KCNJ12: variants seen among roughly 807,000 people sequenced by gnomAD.
KCNJ12 encodes the protein ATP-sensitive inward rectifier potassium channel 12.
In KCNJ12, 2 loss-of-function variants were observed where a neutral mutation model predicts 22.3. That is an observed-to-expected ratio of 0.09 (90% CI 0.04 to 0.28). The LOEUF (loss-of-function observed/expected upper bound fraction) is 0.28, where lower values mean the gene tolerates loss of function less well. Among genes scored for constraint, KCNJ12 ranks in the 10% least tolerant of loss-of-function variants. The pLI is 1.00. For synonymous variants in KCNJ12, 117 were observed against 261.4 expected, an observed-to-expected ratio of 0.45 and a Z score of 5.33; for missense variants, 155 against 633.3, an observed-to-expected ratio of 0.24 and a Z score of 8.11.
chr17:21,412,111 G>T (rs1303388352), intron 2 of KCNJ12, among the ~76,000 whole-genome samples: 2 of 152,290 alleles, frequency 1.3e-5, no homozygotes, highest in Non-Finnish European at 2.9e-5. Flanking sequence ...TCTCTCTTCT[G>T]CTCAGTTTCC....
At chr17:21,413,645 T>C (rs1906507339) in intron 2 of KCNJ12, among the ~76,000 whole-genome samples, 1 of 152,280 alleles carries the variant, frequency 6.6e-6, no homozygotes, top group Non-Finnish European at 1.5e-5. Context: ...GGCGGTGCCA[T>C]AGCCCCTAGC....
intron 1 of KCNJ12, among the ~76,000 whole-genome samples, chr17:21,400,588 G>A (rs1232210434): frequency 6.6e-6 from 1 of 152,300 alleles, no homozygotes; most frequent in Non-Finnish European, 1.5e-5. Flanking sequence ...GAATGAACAA[G>A]TGGCTGGATG....
At chr17:21,415,226 A>C in intron 2 of KCNJ12, 61 bp from the exon 3 acceptor site, 4 of 1,488,564 alleles carry the variant, frequency 2.7e-6, no homozygotes, top group Non-Finnish European at 3.6e-6. Flanking sequence ...GGGCCCTGGG[A>C]TGGGGGTAGA....
intron 1 of KCNJ12, among the ~76,000 whole-genome samples, chr17:21,380,071 C>G (rs1904814333): frequency 6.6e-6 from 1 of 152,182 alleles, no homozygotes; most frequent in Non-Finnish European, 1.5e-5. Flanking sequence ...CACAGACACA[C>G]CCCTCAGGGG....
At chr17:21,406,282 G>A (rs1905929764) in intron 1 of KCNJ12, among the ~76,000 whole-genome samples, 1 of 152,286 alleles carries the variant, frequency 6.6e-6, no homozygotes, top group South Asian at 2.1e-4. Context: ...AAGCATGCAG[G>A]GCTTGCACAG....
rs1343224926 is a variant in KCNJ12 at position 21,410,956 on chromosome 17, G to A, written c.-57+2316G>A. ...TTGATAGATACTGAGTGCTGTGTTC[G>A]TGCCTCGTGAGGCGCCCCAGCTAGC... is the stretch of plus-strand genomic sequence containing the variant. On this transcript the variant is annotated intron_variant, in intron 2 of 2. Coordinates refer to ENST00000583088, the MANE Select transcript of KCNJ12 (RefSeq NM_021012.5). Among the ~76,000 whole-genome samples the A allele has an allele frequency of 1.6e-4, 24 of 152,396 alleles. No homozygotes were observed. The South Asian group carries it at 2.3e-3, about 15-fold the overall frequency.
rs532343937 is a variant in KCNJ12, at chr17:21,419,284, C to G, written c.*2640C>G. 2 of 162,798 alleles carry G rather than the reference C, an allele frequency of 1.2e-5. No homozygotes were observed. Among genetic ancestry groups the G allele is most frequent in the Admixed American group, 6.7e-5 (1 of 14,892 alleles). The allele number at this position is 162,798 out of a possible 1,614,324, so 10.1% of individuals were successfully genotyped here. Reference sequence around the variant, plus strand: ...TATGACTGGGTTAGTAATACAGATACGTGATCTATACGTGTGTGTGTGTGT... The same window carrying G: ...TATGACTGGGTTAGTAATACAGATAGGTGATCTATACGTGTGTGTGTGTGT... On this transcript the variant is annotated 3_prime_UTR_variant, in exon 3 of 3. Transcript: ENST00000583088.
chr17:21,396,635 T>C (rs1905375889), intron 1 of KCNJ12, among the ~76,000 whole-genome samples: 1 of 152,074 alleles, frequency 6.6e-6, no homozygotes, highest in East Asian at 1.9e-4. Context: ...GGGAGGGCCG[T>C]CTTGGTTGGG....
intron 1 of KCNJ12, among the ~76,000 whole-genome samples, chr17:21,377,472 A>C (rs1161351165): frequency 5.3e-5 from 8 of 152,126 alleles, no homozygotes; most frequent in Non-Finnish European, 1.2e-4. Context: ...ATTCCATGCC[A>C]GCAAGTCAGC....
At position 21,376,992 on chromosome 17, in the gene KCNJ12, C is replaced by G. The variant is rs2144752060; in HGVS notation, c.-179+79C>G. 1 of 152,284 alleles carries G rather than the reference C, an allele frequency of 6.6e-6. No homozygotes were observed. Among genetic ancestry groups the G allele is most frequent in the East Asian group, 1.9e-4 (1 of 5,160 alleles). The allele number at this position is 152,284 out of a possible 1,614,324, so 9.4% of individuals were successfully genotyped here. ...CGCAGGCCGCGCCTCGCCACTAGCC[C>G]GGCCCGGAGCTAGCACGAGGTTGTG... On this transcript the variant is annotated intron_variant, in intron 1 of 2. Coordinates refer to ENST00000583088, the MANE Select transcript of KCNJ12 (RefSeq NM_021012.5). This position sits in a 1 kb window ranked among gnomAD's most constrained non-coding sequence, Gnocchi z 5.3.
chr17:21,388,526 C>A (rs956003307), intron 1 of KCNJ12, among the ~76,000 whole-genome samples: 1 of 152,192 alleles, frequency 6.6e-6, no homozygotes, highest in Non-Finnish European at 1.5e-5. Context: ...TCCCAACTGC[C>A]GCCAGGAAAT....
At chr17:21,391,234 G>A (rs915328669) in intron 1 of KCNJ12, among the ~76,000 whole-genome samples, 3 of 152,338 alleles carry the variant, frequency 2.0e-5, no homozygotes, top group Middle Eastern at 3.4e-3. Context: ...ACCTGTGAAC[G>A]GTGCTGCCGT....
chr17:21,385,348 C>T (rs1378209786), intron 1 of KCNJ12, among the ~76,000 whole-genome samples: 1 of 152,186 alleles, frequency 6.6e-6, no homozygotes, highest in East Asian at 1.9e-4. Context: ...GGAGGCAGTC[C>T]ATTCTCGTGT....
intron 1 of KCNJ12, among the ~76,000 whole-genome samples, chr17:21,385,709 A>G (rs575714215): frequency 6.8e-4 from 104 of 152,168 alleles, no homozygotes; most frequent in African/African-American, 2.4e-3. Context: ...CCTCCAGGCC[A>G]CTCATGGGTC....
At chr17:21,402,087 T>C (rs1242211804) in intron 1 of KCNJ12, among the ~76,000 whole-genome samples, 25 of 152,398 alleles carry the variant, frequency 1.6e-4, no homozygotes, top group Non-Finnish European at 3.1e-4. Flanking sequence ...CTGAGCTGTG[T>C]GCTTCTGTCT....
At chr17:21,403,852 T>G (rs1472198703) in intron 1 of KCNJ12, among the ~76,000 whole-genome samples, 1 of 152,312 alleles carries the variant, frequency 6.6e-6, no homozygotes, top group Non-Finnish European at 1.5e-5. Flanking sequence ...AGAGGTTATG[T>G]GGCTTGCCCA....
chr17:21,409,793 C>G (rs1442538463), intron 2 of KCNJ12, among the ~76,000 whole-genome samples: 1 of 152,262 alleles, frequency 6.6e-6, no homozygotes, highest in African/African-American at 2.4e-5. Flanking sequence ...ACCCACCACC[C>G]CATGCCCTGC....
Position 21,384,828 on chromosome 17 carries a change from A to G in KCNJ12, c.-179+7915A>G, listed in dbSNP as rs188678567. On this transcript the variant is annotated intron_variant, in intron 1 of 2. Transcript: ENST00000583088. The stretch of plus-strand genomic sequence containing the variant: ...CACTCTGTCGCCCAGGCTGGAGTGC[A>G]ATGGCGCGATCTCAGCTCACTGCAA... Among the ~76,000 whole-genome samples, 3 of 147,228 alleles carry G rather than the reference A, an allele frequency of 2.0e-5. No individual in the cohort carries two copies. In the East Asian group the frequency reaches 6.0e-4, roughly 29 times the overall value.
chr17:21,390,022 C>G (rs1375323344), intron 1 of KCNJ12, among the ~76,000 whole-genome samples: 1 of 152,142 alleles, frequency 6.6e-6, no homozygotes, highest in Admixed American at 6.5e-5. Flanking sequence ...AACCTTCTCT[C>G]TCTTTCTCGG....
Sources: allele counts gnomAD v4.1 joint callset (sites outside exome capture counted in the v4.1 genomes callset), GRCh38; gene constraint gnomAD v4.1.1; non-coding constraint Gnocchi (gnomAD v3.1); transcripts MANE v1.5; gene names NCBI Gene and HGNC (gene_info 2026-07-23, HGNC 2026-07-21).